The following ZKSCAN7 variants were observed in gnomAD, a reference collection of about 807,000 sequenced individuals.
The protein encoded by ZKSCAN7 is zinc finger with KRAB and SCAN domains 7, also known as zinc finger protein with KRAB and SCAN domains 7.
In ZKSCAN7, 38 loss-of-function variants were observed where a neutral mutation model predicts 65.3. The ratio of observed to expected loss-of-function variants is 0.58; its 90% CI spans 0.45 to 0.76. ZKSCAN7 has a LOEUF of 0.76. Among genes scored for constraint, ZKSCAN7 ranks in the 30% least tolerant of loss-of-function variants. The pLI is 0.00. For synonymous variants in ZKSCAN7, 321 were observed against 321.0 expected, an observed-to-expected ratio of 1.00 and a Z score of 0.00; for missense variants, 815 against 913.3, an observed-to-expected ratio of 0.89 and a Z score of 1.39.
chr3:44,557,382 C>A lies in ZKSCAN7; in HGVS notation c.335C>A (p.Thr112Asn). The A allele has an allele frequency of 6.2e-7, 1 of 1,614,204 alleles. No individual in the cohort carries two copies. Among genetic ancestry groups the A allele is most frequent in the African/African-American group, 1.3e-5 (1 of 75,050 alleles). Reference protein sequence around the residue: ...FLSILPGELRTWVQLHHPESG... With the variant: ...FLSILPGELRNWVQLHHPESG... ...AGCATCCTCCCTGGGGAGCTCCGGA[C>A]CTGGGTGCAGCTGCATCACCCTGAG... Residue 112 changes from threonine to asparagine, a missense_variant, in exon 2 of 6, where the codon ACC becomes AAC. Coordinates refer to ENST00000426540, the MANE Select transcript of ZKSCAN7 (RefSeq NM_001288590.2).
intron 5 of ZKSCAN7, among the ~76,000 whole-genome samples, chr3:44,579,538 GT>G (rs991337499): frequency 1.3e-5 from 2 of 152,192 alleles, no homozygotes; most frequent in Non-Finnish European, 2.9e-5. Context: ...AGCTGCTCTT[GT>G]TTTTTTCCTC....
At position 44,570,567 on chromosome 3, in the gene ZKSCAN7, A is replaced by G. The variant is rs200172356; in HGVS notation, c.1457A>G (p.Gln486Arg). Residue 486 changes from glutamine to arginine, a missense_variant, in exon 6 of 6, where the codon CAG becomes CGG. This residue lies in a region of ZKSCAN7 where 578 missense variants were observed against 629.5 expected (regional missense o/e 0.92). Coordinates refer to ENST00000426540, the MANE Select transcript of ZKSCAN7 (RefSeq NM_001288590.2). The stretch of plus-strand genomic sequence containing the variant: ...CAGAGTTCCCGACTCACTGACCACC[A>G]GAGAACCCATACTGGGGAGAAACCT... The part of the protein sequence containing the change: ...FTQSSRLTDH[Q>R]RTHTGEKPYE... The G allele has an allele frequency of 6.2e-7, 1 of 1,612,632 alleles. No homozygotes were observed. The highest frequency in any genetic ancestry group is 8.5e-7 in the Non-Finnish European group (1 of 1,178,686).
chr3:44,569,302 A>G (rs1476892959), intron 5 of ZKSCAN7, among the ~76,000 whole-genome samples: 1 of 152,228 alleles, frequency 6.6e-6, no homozygotes, highest in Admixed American at 6.5e-5. Context: ...ACTGGGGCAG[A>G]ACAGTTTCCT....
intron 5 of ZKSCAN7, among the ~76,000 whole-genome samples, chr3:44,578,643 C>T (rs1276981376): frequency 1.3e-5 from 2 of 152,326 alleles, no homozygotes; most frequent in East Asian, 1.9e-4. Context: ...TCCGAGTTGA[C>T]GCTGCTGATC....
Position 44,566,890 on chromosome 3 carries a change from A to G in ZKSCAN7, c.593-1022A>G, listed in dbSNP as rs187477590. Among the ~76,000 whole-genome samples, 873 of 152,002 alleles carry G rather than the reference A, an allele frequency of 5.7e-3. 9 individuals carry two copies. Among genetic ancestry groups the G allele is most frequent in the African/African-American group, 0.02 (809 of 41,474 alleles). ...TCCCAGCACTTTGGGAGGCTAAGGC[A>G]GGTGGATCACTTGAGGTCAGGAGTT... is the stretch of plus-strand genomic sequence containing the variant. On this transcript the variant is annotated intron_variant, in intron 3 of 5. Coordinates refer to ENST00000426540, the MANE Select transcript of ZKSCAN7 (RefSeq NM_001288590.2).
At chr3:44,565,377 C>G in intron 2 of ZKSCAN7, 110 bp from the exon 3 acceptor site, 1 of 1,137,598 alleles carries the variant, frequency 8.8e-7, no homozygotes, top group Admixed American at 2.8e-5. Flanking sequence ...GAAGGACACC[C>G]TGGCTCTTCT....
At chr3:44,579,223 C>G (rs1699999804) in intron 5 of ZKSCAN7, among the ~76,000 whole-genome samples, 1 of 152,224 alleles carries the variant, frequency 6.6e-6, no homozygotes, top group Non-Finnish European at 1.5e-5. Context: ...CAGTGCCTGG[C>G]CCGCCTGTGG....
chr3:44,558,501 G>A (rs1306142871), intron 2 of ZKSCAN7, among the ~76,000 whole-genome samples: 1 of 151,048 alleles, frequency 6.6e-6, no homozygotes, highest in African/African-American at 2.4e-5. Context: ...CTCCAGCCTG[G>A]GTGACAGAGC....
chr3:44,556,669 G>C (rs980756250), intron 1 of ZKSCAN7, among the ~76,000 whole-genome samples: 3 of 152,226 alleles, frequency 2.0e-5, no homozygotes, highest in Non-Finnish European at 2.9e-5. Context: ...GGGGTGAGTG[G>C]TAGAGGGTGT....
At chr3:44,576,970 T>G (rs1209316000), downstream of ZKSCAN7, among the ~76,000 whole-genome samples, 1 of 152,106 alleles carries the variant, frequency 6.6e-6, no homozygotes, top group Non-Finnish European at 1.5e-5. Context: ...AAAATCTTTT[T>G]TTTTTTTTTA....
chr3:44,575,052 G>A (rs1382759114), downstream of ZKSCAN7, among the ~76,000 whole-genome samples: 1 of 152,146 alleles, frequency 6.6e-6, no homozygotes, highest in Non-Finnish European at 1.5e-5. Flanking sequence ...CAGCGTTTTG[G>A]GAGGTGAAGG....
intron 2 of ZKSCAN7, among the ~76,000 whole-genome samples, chr3:44,558,782 A>ATTTTTTTTTTTTTTTTTTT (rs35709621): frequency 2.2e-5 from 2 of 92,712 alleles, no homozygotes; most frequent in Admixed American, 1.3e-4. Flanking sequence ...TTTCTTCTTC[A>ATTTTTTTTTTTTTTTTTTT]TTTTTTTTTT....
At chr3:44,578,249 G>A (rs1489712227) in intron 5 of ZKSCAN7, 2 of 1,558,468 alleles carry the variant, frequency 1.3e-6, no homozygotes, top group African/African-American at 2.7e-5. Flanking sequence ...CCACAGTGCT[G>A]TCTGCAGCTC....
At chr3:44,580,627 T>G (rs1390086810) in intron 5 of ZKSCAN7, 19 of 1,613,752 alleles carry the variant, frequency 1.2e-5, no homozygotes, top group Non-Finnish European at 1.4e-5. Flanking sequence ...ATCTCCTTGG[T>G]CTCCGCCCGG....
At chr3:44,559,305 TA>T in intron 2 of ZKSCAN7, among the ~76,000 whole-genome samples, 1 of 151,496 alleles carries the variant, frequency 6.6e-6, no homozygotes, top group East Asian at 1.9e-4. Flanking sequence ...TAGTTCTTCC[TA>T]ATGAGTTTCA....
chr3:44,557,351 T>C lies in ZKSCAN7; in HGVS notation c.304T>C (p.Phe102Leu). 6.2e-7 allele frequency: 1 copy of C among 1,614,248 alleles called. No individual in the cohort carries two copies. Among genetic ancestry groups the C allele is most frequent in the Non-Finnish European group, 8.5e-7 (1 of 1,180,034 alleles). ...QILELLVLEQ[F>L]LSILPGELRT... ...CCTGGAGCTGCTGGTGCTTGAGCAG[T>C]TCCTGAGCATCCTCCCTGGGGAGCT... Residue 102 changes from phenylalanine to leucine, a missense_variant, in exon 2 of 6, where the codon TTC becomes CTC. By Grantham distance (22) the Phe-to-Leu change is conservative. Around this residue, in one of 3 missense-constraint regions of ZKSCAN7, gnomAD observed 227 missense variants for 253.3 expected, o/e 0.90. Coordinates refer to ENST00000426540, the MANE Select transcript of ZKSCAN7 (RefSeq NM_001288590.2).
chr3:44,578,098 T>C (rs960700138), intron 5 of ZKSCAN7: 4 of 1,572,518 alleles, frequency 2.5e-6, no homozygotes, highest in Admixed American at 3.3e-5. Context: ...ACCATGGCAC[T>C]GTCAGGGGAC....
chr3:44,564,604 G>A (rs994792734), intron 2 of ZKSCAN7, among the ~76,000 whole-genome samples: 1 of 152,218 alleles, frequency 6.6e-6, no homozygotes, highest in Non-Finnish European at 1.5e-5. Flanking sequence ...AGTGTGCTCA[G>A]AGAAAGCTTC....
intron 5 of ZKSCAN7, among the ~76,000 whole-genome samples, chr3:44,578,890 A>G (rs1699987691): frequency 6.6e-6 from 1 of 151,932 alleles, no homozygotes; most frequent in Non-Finnish European, 1.5e-5. Flanking sequence ...TGTAGCCCTC[A>G]CGGGCGCTCT....
Sources: allele counts gnomAD v4.1 joint callset (sites outside exome capture counted in the v4.1 genomes callset), GRCh38; gene constraint gnomAD v4.1.1; regional missense constraint gnomAD v4.1.1; transcripts MANE v1.5; gene names NCBI Gene and HGNC (gene_info 2026-07-23, HGNC 2026-07-21).